Variants in TENM3 observed in about 807,000 individuals in gnomAD.
TENM3 encodes teneurin-3.
A neutral mutation model predicts 255.1 loss-of-function variants in TENM3; 63 were observed. The observed-to-expected ratio is 0.25, with a 90% CI of 0.20 to 0.30. The LOEUF (loss-of-function observed/expected upper bound fraction) is 0.30. TENM3 is among the 10% of genes least tolerant of loss of function. The pLI, the probability that TENM3 is intolerant of heterozygous loss-of-function variation, is 1.00. For missense variants in TENM3, 2,929 were observed against 3,461.1 expected, an observed-to-expected ratio of 0.85 and a Z score of 3.86; for synonymous variants, 1,306 against 1,322.3, an observed-to-expected ratio of 0.99 and a Z score of 0.27.
the TENM3 span, among the ~76,000 whole-genome samples, chr4:182,032,282 G>A: frequency 1.3e-5 from 2 of 152,096 alleles, no homozygotes; most frequent in Non-Finnish European, 2.9e-5. Context: ...TTTATCAAAG[G>A]CTTTTTCTAC....
the TENM3 span, among the ~76,000 whole-genome samples, chr4:181,820,643 C>T: frequency 1.3e-5 from 2 of 152,074 alleles, no homozygotes; most frequent in South Asian, 4.2e-4. Flanking sequence ...AATCCCATAG[C>T]GAAAGCACCA....
At chr4:182,405,139 C>A (rs1769471755) in intron 3 of TENM3, among the ~76,000 whole-genome samples, 1 of 152,158 alleles carries the variant, frequency 6.6e-6, no homozygotes, top group Non-Finnish European at 1.5e-5. Flanking sequence ...TCACTACTCC[C>A]AGCCAAAAGG....
At chr4:181,730,495 G>A in the TENM3 span, among the ~76,000 whole-genome samples, 2 of 152,096 alleles carry the variant, frequency 1.3e-5, no homozygotes, top group Admixed American at 6.5e-5. Flanking sequence ...GTAACTTTGG[G>A]GTCTAACTTC....
the TENM3 span, among the ~76,000 whole-genome samples, chr4:182,053,199 C>T: frequency 6.6e-6 from 1 of 152,010 alleles, no homozygotes; most frequent in Non-Finnish European, 1.5e-5. Context: ...CCTCTACAAA[C>T]CAAAAATGGT....
the TENM3 span, among the ~76,000 whole-genome samples, chr4:182,109,529 A>C: frequency 6.6e-6 from 1 of 152,188 alleles, no homozygotes; most frequent in East Asian, 1.9e-4. Context: ...GGCAATTAGA[A>C]CCAATAAAGA....
At chr4:181,847,714 TG>T in the TENM3 span, among the ~76,000 whole-genome samples, 1 of 151,956 alleles carries the variant, frequency 6.6e-6, no homozygotes, top group Non-Finnish European at 1.5e-5. Flanking sequence ...ATATGTATTT[TG>T]GCAAACTATA....
At chr4:181,461,118 A>G in the TENM3 span, among the ~76,000 whole-genome samples, 398 of 152,126 alleles carry the variant, frequency 2.6e-3, 4 homozygotes, top group South Asian at 0.035. Flanking sequence ...CTATCGGAAA[A>G]AATATTTTCA....
the TENM3 span, among the ~76,000 whole-genome samples, chr4:181,787,527 A>G: frequency 6.6e-6 from 1 of 151,982 alleles, no homozygotes; most frequent in Admixed American, 6.6e-5. Context: ...TTTAGTAGAG[A>G]TGAGGTTTCA....
rs751413477 is a variant in TENM3, at chr4:182,497,236, G to A, written c.512-103688G>A. Among the ~76,000 whole-genome samples, 9 of 151,738 alleles carry A rather than the reference G, an allele frequency of 5.9e-5. 1 individual carries two copies. Among genetic ancestry groups the A allele is most frequent in the Non-Finnish European group, 1.2e-4 (8 of 67,950 alleles). On this transcript the variant is annotated intron_variant, in intron 3 of 27. Coordinates refer to ENST00000511685, the MANE Select transcript of TENM3 (RefSeq NM_001080477.4). ...CCCGGCCAATTTTTTTTTTATTTTA[G>A]TAGACGGGGTTTCACCATGTTGGCC...
the TENM3 span, among the ~76,000 whole-genome samples, chr4:181,733,484 T>G: frequency 1.3e-5 from 2 of 152,194 alleles, no homozygotes; most frequent in Non-Finnish European, 2.9e-5. Flanking sequence ...GAAGTTGTCA[T>G]GCATCCTCTT....
chr4:182,440,209 T>G (rs950790106), intron 3 of TENM3, among the ~76,000 whole-genome samples: 28 of 146,150 alleles, frequency 1.9e-4, no homozygotes, highest in Admixed American at 7.2e-4. Flanking sequence ...GCCTCTCGGG[T>G]TCAAGCGATT....
the TENM3 span, among the ~76,000 whole-genome samples, chr4:181,782,193 T>G: frequency 7.2e-5 from 11 of 152,168 alleles, no homozygotes; most frequent in Non-Finnish European, 1.6e-4. Flanking sequence ...TCAGAAGGAA[T>G]GGTAGCAGTT....
chr4:182,337,623 C>A (rs1764226798), intron 2 of TENM3, among the ~76,000 whole-genome samples: 1 of 152,148 alleles, frequency 6.6e-6, no homozygotes, highest in Non-Finnish European at 1.5e-5. Context: ...TGGGCAATTT[C>A]TTATATAAAG....
the TENM3 span, among the ~76,000 whole-genome samples, chr4:181,743,481 A>G: frequency 6.6e-6 from 1 of 152,128 alleles, no homozygotes; most frequent in Non-Finnish European, 1.5e-5. Context: ...TGAGAAAGTG[A>G]TATTTGAGCA....
intron 1 of TENM3, among the ~76,000 whole-genome samples, chr4:182,226,182 G>T (rs1452633625): frequency 6.6e-6 from 1 of 152,068 alleles, no homozygotes; most frequent in African/African-American, 2.4e-5. Context: ...CTACTCCTTA[G>T]CCAGGCTGAG....
At chr4:181,614,723 G>A in the TENM3 span, among the ~76,000 whole-genome samples, 2 of 152,182 alleles carry the variant, frequency 1.3e-5, no homozygotes, top group Admixed American at 6.5e-5. Context: ...TTCTATGGGC[G>A]ATTTGCAACT....
chr4:182,068,903 C>T, the TENM3 span, among the ~76,000 whole-genome samples: 1 of 151,798 alleles, frequency 6.6e-6, no homozygotes, highest in African/African-American at 2.4e-5. Context: ...AATGAGCATT[C>T]TAAATATCCT....
intron 5 of TENM3, 41 bp from the exon 6 acceptor site, chr4:182,653,730 A>C: frequency 6.4e-7 from 1 of 1,556,126 alleles, no homozygotes; most frequent in South Asian, 1.2e-5. Flanking sequence ...TTGTAGCTGA[A>C]GGCAGCAGAT....
intron 1 of TENM3, among the ~76,000 whole-genome samples, chr4:182,229,017 C>T (rs760270314): frequency 6.6e-6 from 1 of 152,086 alleles, no homozygotes; most frequent in African/African-American, 2.4e-5. Context: ...CTGACAGCCC[C>T]GTGTAAATAA....
Sources: gnomAD v4.1 joint callset for allele counts (sites outside exome capture counted in the v4.1 genomes callset) on GRCh38, gnomAD v4.1.1 for gene constraint, MANE v1.5 for transcripts, NCBI Gene and HGNC (gene_info 2026-07-23, HGNC 2026-07-21) for gene names.